Variants in ZFPM2 observed in about 807,000 individuals in gnomAD.
The protein encoded by ZFPM2 is zinc finger protein ZFPM2.
Under a neutral mutation model 98.6 loss-of-function variants are expected in ZFPM2, and 20 were observed. The ratio of observed to expected loss-of-function variants is 0.20; its 90% CI spans 0.14 to 0.29. The LOEUF is 0.29. ZFPM2 is among the 10% of genes least tolerant of loss of function. The pLI is 1.00. For missense variants in ZFPM2, 1,310 were observed against 1,388.6 expected (o/e 0.94, Z 0.90); for synonymous variants, 518 against 502.7 (o/e 1.03, Z -0.41).
chr8:105,782,321 T>C (rs2920045), intron 5 of ZFPM2: 150,151 of 152,332 alleles, frequency 0.99, 74,010 homozygotes, highest in East Asian at 1. Flanking sequence ...GTGGGTAATG[T>C]GATTTTCCAA....
At chr8:105,530,371 G>A (rs73697379) in intron 3 of ZFPM2, among the ~76,000 whole-genome samples, 23,766 of 152,114 alleles carry the variant, frequency 0.16, 1,961 homozygotes, top group African/African-American at 0.21. Context: ...ATTGTGGTTA[G>A]TTCACTGGAG....
intron 6 of ZFPM2, 54 bp downstream of exon 6, chr8:105,788,978 A>AG (rs1191647345): frequency 7.0e-7 from 1 of 1,428,818 alleles, no homozygotes; most frequent in East Asian, 2.4e-5. Flanking sequence ...AATTTATGGG[A>AG]GAAAAAAATG....
At chr8:105,622,914 C>G (rs1477912313) in intron 4 of ZFPM2, among the ~76,000 whole-genome samples, 1 of 152,108 alleles carries the variant, frequency 6.6e-6, no homozygotes, top group Non-Finnish European at 1.5e-5. Flanking sequence ...TACAGTTTTT[C>G]TTTTAACTAC....
chr8:105,598,058 A>C (rs980296796), intron 4 of ZFPM2, among the ~76,000 whole-genome samples: 7 of 151,102 alleles, frequency 4.6e-5, no homozygotes, highest in African/African-American at 1.7e-4. Context: ...TCTTGGAAAA[A>C]AAAAAACCTT....
chr8:105,665,490 A>C (rs28595065), intron 5 of ZFPM2, among the ~76,000 whole-genome samples: 12,799 of 152,198 alleles, frequency 0.084, 1,732 homozygotes, highest in African/African-American at 0.28. Flanking sequence ...GTTTTGATAA[A>C]ATCATAATTT....
intron 5 of ZFPM2, among the ~76,000 whole-genome samples, chr8:105,773,561 A>G (rs1375469514): frequency 1.3e-5 from 2 of 151,908 alleles, no homozygotes; most frequent in Non-Finnish European, 2.9e-5. Context: ...AGAATAGACT[A>G]TCATAAAAGT....
chr8:105,755,591 G>A (rs2131061897), intron 5 of ZFPM2, among the ~76,000 whole-genome samples: 1 of 152,184 alleles, frequency 6.6e-6, no homozygotes, highest in South Asian at 2.1e-4. Context: ...TTTATAGGAA[G>A]AACAATTTCA....
chr8:105,632,031 G>T (rs964889302), intron 4 of ZFPM2, among the ~76,000 whole-genome samples: 1 of 152,176 alleles, frequency 6.6e-6, no homozygotes, highest in African/African-American at 2.4e-5. Flanking sequence ...AATCAGAAAA[G>T]AGTGGATGTT....
Position 105,636,470 on chromosome 8 carries a change from GT to G in ZFPM2, c.532+2114del, listed in dbSNP as rs1230324094. ...TTGATGCTCCCATGCCAAATTGTAT[GT>G]GCTTCTCTCATTATTCTCTATTACC... On this transcript the variant is annotated intron_variant, in intron 5 of 7. Coordinates refer to ENST00000407775, the MANE Select transcript of ZFPM2 (RefSeq NM_012082.4). Among the ~76,000 whole-genome samples the G allele has an allele frequency of 3.9e-5, 6 of 152,246 alleles. No homozygotes were observed. The East Asian group carries it at 7.7e-4, about 20-fold the overall frequency.
chr8:105,516,621 T>TA (rs1433674481), intron 3 of ZFPM2, among the ~76,000 whole-genome samples: 2 of 152,206 alleles, frequency 1.3e-5, no homozygotes, highest in Non-Finnish European at 2.9e-5. Context: ...GGTGGCCATG[T>TA]ATTCGGATGT....
intron 5 of ZFPM2, among the ~76,000 whole-genome samples, chr8:105,685,484 A>T (rs769074692): frequency 1.3e-5 from 2 of 152,080 alleles, no homozygotes; most frequent in African/African-American, 4.8e-5. Context: ...TTTTCAGTCA[A>T]TATATTTTCT....
chr8:105,639,914 GCA>G (rs1415943940), intron 5 of ZFPM2, among the ~76,000 whole-genome samples: 1 of 151,812 alleles, frequency 6.6e-6, no homozygotes, highest in Non-Finnish European at 1.5e-5. Flanking sequence ...TTTTTCTTGG[GCA>G]CGTGATACTT....
chr8:105,537,899 T>G (rs879275652), intron 3 of ZFPM2, among the ~76,000 whole-genome samples: 1 of 151,900 alleles, frequency 6.6e-6, no homozygotes, highest in Non-Finnish European at 1.5e-5. Flanking sequence ...GCCTGGCTAA[T>G]TTTTTGTATT....
chr8:105,647,110 C>T (rs577006291), intron 5 of ZFPM2, among the ~76,000 whole-genome samples: 65 of 152,276 alleles, frequency 4.3e-4, no homozygotes, highest in Admixed American at 2.7e-3. Context: ...ATTCTGCAGA[C>T]GAAATCTGCC....
intron 1 of ZFPM2, among the ~76,000 whole-genome samples, chr8:105,352,592 T>TC (rs2129718947): frequency 6.6e-6 from 1 of 152,174 alleles, no homozygotes; most frequent in South Asian, 2.1e-4. Context: ...TTACCGTTTT[T>TC]TTTTTTTTAC....
chr8:105,394,909 T>C lies in ZFPM2; in HGVS notation c.41-24235T>C, dbSNP rs571209271. 5.9e-5 allele frequency among the ~76,000 whole-genome samples: 9 copies of C among 152,350 alleles called. No individual in the cohort carries two copies. In the East Asian group the frequency reaches 1.5e-3, roughly 26 times the overall value. ...AACAAGGGATGCCTGTTTGTGCCAG[T>C]ATGCAGGTTCCTTTGATTCTCTGGA... On this transcript the variant is annotated intron_variant, in intron 1 of 7. Coordinates refer to ENST00000407775, the MANE Select transcript of ZFPM2 (RefSeq NM_012082.4).
At chr8:105,519,259 G>A (rs1285659926) in intron 3 of ZFPM2, among the ~76,000 whole-genome samples, 2 of 152,048 alleles carry the variant, frequency 1.3e-5, no homozygotes, top group Non-Finnish European at 2.9e-5. Context: ...TATAATTGGT[G>A]GGTGAGAAGA....
chr8:105,377,866 T>C (rs1324943193), intron 1 of ZFPM2, among the ~76,000 whole-genome samples: 1 of 152,124 alleles, frequency 6.6e-6, no homozygotes, highest in Non-Finnish European at 1.5e-5. Flanking sequence ...CTTCAGACTA[T>C]ATATACTTCC....
intron 1 of ZFPM2, among the ~76,000 whole-genome samples, chr8:105,375,299 AGAC>A (rs1810703568): frequency 6.6e-6 from 1 of 152,212 alleles, no homozygotes. Context: ...AAGAGCCCTA[AGAC>A]TACCAACTAC....
Sources: gnomAD v4.1 joint callset for allele counts (sites outside exome capture counted in the v4.1 genomes callset) on GRCh38, gnomAD v4.1.1 for gene constraint, MANE v1.5 for transcripts, NCBI Gene and HGNC (gene_info 2026-07-23, HGNC 2026-07-21) for gene names.